AGBL4: variants seen among roughly 807,000 people sequenced by gnomAD.
The protein encoded by AGBL4 is AGBL carboxypeptidase 4, also known as cytosolic carboxypeptidase 6.
Under a neutral mutation model 66.4 loss-of-function variants are expected in AGBL4, and 58 were observed. The ratio of observed to expected loss-of-function variants is 0.87; its 90% confidence interval spans 0.71 to 1.09. AGBL4 has a LOEUF of 1.09. Ranked by LOEUF, AGBL4 falls within the 50% of genes least tolerant of loss-of-function variation. AGBL4 has a pLI of 0.00. For synonymous variants in AGBL4, 234 were observed against 222.9 expected (o/e 1.05, Z -0.44); for missense variants, 579 against 631.0 (o/e 0.92, Z 0.88).
At chr1:49,137,610 T>G (rs906641636) in intron 4 of AGBL4, among the ~76,000 whole-genome samples, 2 of 152,120 alleles carry the variant, frequency 1.3e-5, no homozygotes, top group Non-Finnish European at 2.9e-5. Context: ...TTCTTTATTC[T>G]TAGGCCAGTG....
chr1:49,984,257 T>G (rs1659318854), intron 1 of AGBL4, among the ~76,000 whole-genome samples: 2 of 152,186 alleles, frequency 1.3e-5, no homozygotes, highest in South Asian at 2.1e-4. Context: ...AACTACAGTT[T>G]TCATTGGACA....
chr1:49,933,645 T>C (rs1653604986), intron 1 of AGBL4, among the ~76,000 whole-genome samples: 1 of 152,118 alleles, frequency 6.6e-6, no homozygotes, highest in African/African-American at 2.4e-5. Context: ...AATAACAAAG[T>C]GTGAGGGGGG....
Position 49,971,907 on chromosome 1 carries a change from G to GTTT in AGBL4, c.34+51853_34+51855dup, listed in dbSNP as rs745772850. On this transcript the variant is annotated intron_variant, in intron 1 of 13. Coordinates refer to ENST00000371839, the MANE Select transcript of AGBL4 (RefSeq NM_032785.4). ...AAGTACAAGTGCAGGGTTTTTTTGG[G>GTTT]TTTTTTTTTTTTTTTTTTTTTTTTT... Among the ~76,000 whole-genome samples, 19 of 23,438 alleles carry GTTT rather than the reference G, an allele frequency of 8.1e-4. 1 individual carries two copies. Among genetic ancestry groups the GTTT allele is most frequent in the African/African-American group, 2.0e-3 (15 of 7,436 alleles). The allele number at this position is 23,438 out of a possible 152,430, so 15.4% of individuals were successfully genotyped here.
At chr1:49,890,491 A>G (rs901472016) in intron 1 of AGBL4, among the ~76,000 whole-genome samples, 1 of 152,186 alleles carries the variant, frequency 6.6e-6, no homozygotes, top group Admixed American at 6.5e-5. Flanking sequence ...CTCTGCCTCT[A>G]TGGAATTTAT....
intron 3 of AGBL4, among the ~76,000 whole-genome samples, chr1:49,604,463 T>C (rs966894566): frequency 6.6e-6 from 1 of 152,244 alleles, no homozygotes; most frequent in African/African-American, 2.4e-5. Flanking sequence ...TCATAGATAC[T>C]GGATATTAGT....
chr1:48,883,806 T>A (rs868230274), intron 5 of AGBL4, among the ~76,000 whole-genome samples: 2 of 152,256 alleles, frequency 1.3e-5, no homozygotes, highest in African/African-American at 4.8e-5. Context: ...GCTTAAGAAG[T>A]CAGGGTTTTC....
chr1:48,834,468 G>A (rs991825720), intron 6 of AGBL4, among the ~76,000 whole-genome samples: 3 of 152,268 alleles, frequency 2.0e-5, no homozygotes, highest in East Asian at 1.9e-4. Flanking sequence ...ATGATAGTAT[G>A]TGGAGGTAAG....
At chr1:48,791,012 A>G (rs1645536135) in intron 6 of AGBL4, among the ~76,000 whole-genome samples, 1 of 152,158 alleles carries the variant, frequency 6.6e-6, no homozygotes, top group Admixed American at 6.5e-5. Flanking sequence ...CCCTCACCAG[A>G]TGTAGCCCCT....
intron 3 of AGBL4, among the ~76,000 whole-genome samples, chr1:49,402,198 A>T (rs1226072629): frequency 1.3e-5 from 2 of 151,452 alleles, no homozygotes; most frequent in African/African-American, 4.9e-5. Flanking sequence ...GATGCTTGTT[A>T]TTCCTTTTCT....
intron 2 of AGBL4, among the ~76,000 whole-genome samples, chr1:49,808,557 T>C (rs1645026468): frequency 6.6e-6 from 1 of 152,132 alleles, no homozygotes; most frequent in Non-Finnish European, 1.5e-5. Flanking sequence ...AGTATATACA[T>C]ATACGTGTGA....
intron 2 of AGBL4, chr1:49,846,142 CAAGGAA>C: frequency 1.4e-6 from 2 of 1,463,356 alleles, no homozygotes; most frequent in Non-Finnish European, 1.9e-6. Context: ...GGATTCATAC[CAAGGAA>C]AAGCCCTATG....
At chr1:49,632,507 G>A (rs371864832) in intron 3 of AGBL4, among the ~76,000 whole-genome samples, 4 of 152,278 alleles carry the variant, frequency 2.6e-5, no homozygotes, top group South Asian at 4.1e-4. Flanking sequence ...GTCCTCCTAT[G>A]AGAAGATTCT....
At chr1:49,484,865 A>AAT (rs1000516699) in intron 3 of AGBL4, among the ~76,000 whole-genome samples, 21 of 152,006 alleles carry the variant, frequency 1.4e-4, no homozygotes, top group African/African-American at 4.3e-4. Flanking sequence ...TTAATTCATA[A>AAT]ATATATATAT....
intron 9 of AGBL4, among the ~76,000 whole-genome samples, chr1:48,624,897 TG>T (rs1645474801): frequency 6.9e-6 from 1 of 145,600 alleles, no homozygotes; most frequent in Admixed American, 6.8e-5. Context: ...CAGGTGTGTG[TG>T]TGTGTGTGTG....
intron 6 of AGBL4, among the ~76,000 whole-genome samples, chr1:48,764,059 A>G (rs1644410117): frequency 6.6e-6 from 1 of 152,240 alleles, no homozygotes; most frequent in African/African-American, 2.4e-5. Flanking sequence ...GGGGACACAG[A>G]TGAACAAACA....
intron 1 of AGBL4, among the ~76,000 whole-genome samples, chr1:49,866,134 T>C (rs1646695198): frequency 6.6e-6 from 1 of 152,090 alleles, no homozygotes; most frequent in Non-Finnish European, 1.5e-5. Context: ...TACAACTGAT[T>C]GGGGTACCTG....
In AGBL4 at chr1:48,694,048, CAA is replaced by C. The variant is rs61574470; in HGVS notation, c.635-30809_635-30808del. 9.1e-3 allele frequency among the ~76,000 whole-genome samples: 519 copies of C among 56,982 alleles called. 3 individuals are homozygous for C. The highest frequency in any genetic ancestry group is 0.022 in the African/African-American group (477 of 21,510). 37.4% of individuals were successfully genotyped at this position (56,982 alleles called of 152,430 possible). ...CCCCTGACCTGATTTTTTCCCTATT[CAA>C]AAAAAAAAAAAAAAAAAAAGCGGCA... On this transcript the variant is annotated intron_variant, in intron 6 of 13. Coordinates refer to ENST00000371839, the MANE Select transcript of AGBL4 (RefSeq NM_032785.4).
At chr1:48,959,210 A>G (rs1311553029) in intron 5 of AGBL4, among the ~76,000 whole-genome samples, 21 of 152,226 alleles carry the variant, frequency 1.4e-4, no homozygotes, top group Non-Finnish European at 1.5e-5. Context: ...GAGCTCAAAT[A>G]TCCTTAGGCA....
intron 3 of AGBL4, among the ~76,000 whole-genome samples, chr1:49,442,872 TG>T (rs1419175628): frequency 6.6e-6 from 1 of 152,182 alleles, no homozygotes. Context: ...GTTTCCATGG[TG>T]GCTATAGTAA....
Sources: gnomAD v4.1 joint callset for allele counts (sites outside exome capture counted in the v4.1 genomes callset) on GRCh38, gnomAD v4.1.1 for gene constraint, MANE v1.5 for transcripts, NCBI Gene and HGNC (gene_info 2026-07-23, HGNC 2026-07-21) for gene names.